Variants in EYS observed in about 807,000 individuals in gnomAD.
The protein encoded by EYS is EGF-like photoreceptor maintenance factor, also known as protein eyes shut homolog.
Under a neutral mutation model 282.1 loss-of-function variants are expected in EYS, and 250 were observed. That is an observed-to-expected ratio of 0.89 (90% CI 0.80 to 0.98). EYS has a LOEUF of 0.98. EYS is among the 50% of genes least tolerant of loss of function. The pLI is 0.00. For missense variants in EYS, 4,016 were observed against 3,709.0 expected (o/e 1.08, Z -2.15); for synonymous variants, 1,355 against 1,282.9 (o/e 1.06, Z -1.20).
At chr6:65,439,003 C>T (rs942337179) in intron 5 of EYS, among the ~76,000 whole-genome samples, 1 of 152,146 alleles carries the variant, frequency 6.6e-6, no homozygotes, top group Non-Finnish European at 1.5e-5. Flanking sequence ...ACATTTAAGT[C>T]TTTAATCCAT....
chr6:64,984,132 T>C (rs546741694), intron 14 of EYS, among the ~76,000 whole-genome samples: 1 of 151,482 alleles, frequency 6.6e-6, no homozygotes, highest in Admixed American at 6.6e-5. Context: ...GATTCAAACT[T>C]AAAACATTGT....
At chr6:64,855,016 T>C (rs548700524) in intron 19 of EYS, among the ~76,000 whole-genome samples, 8 of 152,298 alleles carry the variant, frequency 5.3e-5, no homozygotes, top group African/African-American at 1.7e-4. Flanking sequence ...GTTTACATAG[T>C]TTCTGACAAA....
intron 4 of EYS, among the ~76,000 whole-genome samples, chr6:65,493,806 C>T (rs1766132446): frequency 6.6e-6 from 1 of 152,084 alleles, no homozygotes; most frequent in Non-Finnish European, 1.5e-5. Flanking sequence ...TCTTTCCATC[C>T]TTGTCACTAT....
intron 22 of EYS, among the ~76,000 whole-genome samples, chr6:64,748,639 T>C (rs1263919842): frequency 2.0e-5 from 3 of 152,196 alleles, no homozygotes; most frequent in African/African-American, 4.8e-5. Context: ...AAGACAGTGA[T>C]TGAGAAAACA....
chr6:65,630,796 C>T (rs1292997597), intron 2 of EYS, among the ~76,000 whole-genome samples: 1 of 152,034 alleles, frequency 6.6e-6, no homozygotes, highest in Non-Finnish European at 1.5e-5. Context: ...TAAAACAAGT[C>T]CTCCAAACAA....
chr6:65,309,936 T>A (rs1371875360), intron 11 of EYS, among the ~76,000 whole-genome samples: 2 of 152,240 alleles, frequency 1.3e-5, no homozygotes, highest in Admixed American at 1.3e-4. Context: ...TTCCTCCCCT[T>A]GATCCCTGTT....
At chr6:65,060,621 T>C (rs1326736291) in intron 12 of EYS, among the ~76,000 whole-genome samples, 2 of 151,912 alleles carry the variant, frequency 1.3e-5, no homozygotes, top group East Asian at 1.9e-4. Flanking sequence ...TGGGAATACC[T>C]GGTTTCCTTT....
intron 12 of EYS, among the ~76,000 whole-genome samples, chr6:65,178,955 A>G (rs901236174): frequency 1.3e-5 from 2 of 152,152 alleles, no homozygotes; most frequent in Non-Finnish European, 2.9e-5. Context: ...CTGCTCCTGA[A>G]TGACTACTGG....
chr6:65,190,564 T>C (rs1765618812), intron 12 of EYS, among the ~76,000 whole-genome samples: 1 of 151,652 alleles, frequency 6.6e-6, no homozygotes, highest in South Asian at 2.1e-4. Context: ...TACCTTCAGA[T>C]GTCCCCAATT....
intron 28 of EYS, among the ~76,000 whole-genome samples, chr6:64,391,717 C>A (rs1773155505): frequency 6.6e-6 from 1 of 152,010 alleles, no homozygotes; most frequent in Non-Finnish European, 1.5e-5. Flanking sequence ...ACTGCATCAA[C>A]TAACGAGCAA....
At chr6:65,355,697 C>T (rs971325748) in intron 8 of EYS, among the ~76,000 whole-genome samples, 2 of 151,946 alleles carry the variant, frequency 1.3e-5, no homozygotes, top group African/African-American at 4.8e-5. Flanking sequence ...CAAAAGAAAA[C>T]ATACAAATAG....
chr6:65,607,077 A>T (rs1765825895), intron 2 of EYS, among the ~76,000 whole-genome samples: 2 of 151,808 alleles, frequency 1.3e-5, no homozygotes, highest in African/African-American at 2.4e-5. Context: ...CTTAATTTAG[A>T]TATTGTGATA....
chr6:63,936,019 G>C (rs1765046320), intron 35 of EYS, among the ~76,000 whole-genome samples: 1 of 152,174 alleles, frequency 6.6e-6, no homozygotes, highest in Non-Finnish European at 1.5e-5. Context: ...CAAAGCCAGA[G>C]AACATGTCTT....
At chr6:65,531,925 T>A (rs1767784738) in intron 2 of EYS, among the ~76,000 whole-genome samples, 1 of 152,166 alleles carries the variant, frequency 6.6e-6, no homozygotes. Flanking sequence ...GTTGGTGATG[T>A]AAATTCTTTG....
chr6:64,786,756 T>A (rs949229111), intron 22 of EYS, among the ~76,000 whole-genome samples: 4 of 152,196 alleles, frequency 2.6e-5, no homozygotes. Flanking sequence ...CATGATTTTT[T>A]AAAAAATTAT....
Position 64,590,349 on chromosome 6 carries a change from A to G in EYS, c.5518T>C (p.Trp1840Arg), listed in dbSNP as rs1766363707. ...EVKTSSEWSKWELQPSVQYQE... is the reference protein window; with the variant it reads ...EVKTSSEWSKRELQPSVQYQE... Reference sequence around the variant, plus strand: ...TATTGCACACTAGGCTGAAGTTCCCATTTGGACCATTCTGAAGAAGTCTTG... The same window carrying G: ...TATTGCACACTAGGCTGAAGTTCCCGTTTGGACCATTCTGAAGAAGTCTTG... Residue 1840 changes from tryptophan (W) to arginine (R), a missense_variant, in exon 26 of 43, where the codon TGG (tryptophan) becomes CGG (arginine). Trp to Arg is a moderately radical substitution (Grantham distance 101, BLOSUM62 -3). Coordinates refer to ENST00000503581, the MANE Select transcript of EYS (RefSeq NM_001142800.2). The G allele has an allele frequency of 6.4e-7, 1 of 1,551,284 alleles. No homozygotes were observed. Among genetic ancestry groups the G allele is most frequent in the Admixed American group, 2.0e-5 (1 of 50,974 alleles).
At chr6:64,643,525 G>A (rs941370280) in intron 22 of EYS, among the ~76,000 whole-genome samples, 1 of 152,152 alleles carries the variant, frequency 6.6e-6, no homozygotes, top group African/African-American at 2.4e-5. Flanking sequence ...GGGGGTGAGA[G>A]TAGGTGTAGG....
intron 19 of EYS, among the ~76,000 whole-genome samples, chr6:64,845,091 C>T (rs148778714): frequency 6.6e-6 from 1 of 152,106 alleles, no homozygotes; most frequent in African/African-American, 2.4e-5. Flanking sequence ...GAGTTGGAGA[C>T]CAGCCTGGGC....
At chr6:63,956,790 C>T (rs1765844318) in intron 35 of EYS, among the ~76,000 whole-genome samples, 1 of 152,178 alleles carries the variant, frequency 6.6e-6, no homozygotes. Flanking sequence ...TTGAAATGTG[C>T]AAGTTAGCCA....
Sources: allele counts gnomAD v4.1 joint callset (sites outside exome capture counted in the v4.1 genomes callset), GRCh38; gene constraint gnomAD v4.1.1; transcripts MANE v1.5; gene names NCBI Gene and HGNC (gene_info 2026-07-23, HGNC 2026-07-21).